The following CNNM4 variants were observed in gnomAD, a reference collection of about 807,000 sequenced individuals.
CNNM4 encodes the protein metal transporter CNNM4.
CNNM4 carries 32 observed loss-of-function variants against 53.7 expected under a neutral mutation model. That is an observed-to-expected ratio of 0.60 (90% CI 0.45 to 0.80). The LOEUF (loss-of-function observed/expected upper bound fraction) is 0.80. CNNM4 is among the 30% of genes least tolerant of loss of function. The pLI, the probability that CNNM4 is intolerant of heterozygous loss-of-function variation, is 0.00. For synonymous variants in CNNM4, 410 were observed against 440.0 expected (o/e 0.93, Z 0.85); for missense variants, 784 against 1,022.0 (o/e 0.77, Z 3.17).
intron 1 of CNNM4, among the ~76,000 whole-genome samples, chr2:96,778,441 C>A (rs1574063042): frequency 6.6e-6 from 1 of 151,282 alleles, no homozygotes; most frequent in Admixed American, 6.6e-5. Flanking sequence ...ACCTGTAATC[C>A]CAGCTACTCC....
rs1184292374 is a variant in CNNM4, at chr2:96,801,469, CAGAG to C, written c.1948+1827_1948+1830del. 1.3e-5 allele frequency among the ~76,000 whole-genome samples: 2 copies of C among 151,554 alleles called. No individual in the cohort carries two copies. Among genetic ancestry groups the C allele is most frequent in the Non-Finnish European group, 1.5e-5 (1 of 67,856 alleles). On this transcript the variant is annotated intron_variant, in intron 5 of 6. Coordinates refer to ENST00000377075, the MANE Select transcript of CNNM4 (RefSeq NM_020184.4). This position sits in a 1 kb window ranked among gnomAD's most constrained non-coding sequence, Gnocchi z 5.6. ...ACCACATGCAGAGAGACCGCACACA[CAGAG>C]AGAGACCACACACACACAGAGACCA... is the stretch of plus-strand genomic sequence containing the variant.
At chr2:96,765,713 T>C (rs1431168008) in intron 1 of CNNM4, among the ~76,000 whole-genome samples, 1 of 152,184 alleles carries the variant, frequency 6.6e-6, no homozygotes, top group Non-Finnish European at 1.5e-5. Flanking sequence ...CAGTAAGTGT[T>C]GGACAAATGA....
At chr2:96,782,851 A>C (rs1001255356) in intron 1 of CNNM4, among the ~76,000 whole-genome samples, 13 of 152,172 alleles carry the variant, frequency 8.5e-5, no homozygotes, top group Non-Finnish European at 1.2e-4. Context: ...GTATTTCAGC[A>C]AAGTATTTAA....
chr2:96,787,734 C>T (rs1397115476), intron 1 of CNNM4, among the ~76,000 whole-genome samples: 1 of 151,962 alleles, frequency 6.6e-6, no homozygotes, highest in Non-Finnish European at 1.5e-5. Flanking sequence ...AGTGGCATGC[C>T]CTATAGTCCC....
chr2:96,775,635 A>C (rs1347561663), intron 1 of CNNM4, among the ~76,000 whole-genome samples: 1 of 152,178 alleles, frequency 6.6e-6, no homozygotes, highest in Admixed American at 6.5e-5. Flanking sequence ...GTTCACTCCT[A>C]TCCCTACCAA....
In CNNM4 at chr2:96,801,490, C is replaced by G. The variant is rs569599886; in HGVS notation, c.1948+1842C>G. On this transcript the variant is annotated intron_variant, in intron 5 of 6. Transcript: ENST00000377075. The surrounding 1 kb of genome is among the most constrained non-coding windows in gnomAD (Gnocchi z 5.6). Reference sequence around the variant, plus strand: ...CACACAGAGAGAGACCACACACACACAGAGACCACACACAGAGAGAGACCA... The same window carrying G: ...CACACAGAGAGAGACCACACACACAGAGAGACCACACACAGAGAGAGACCA... 1.7e-4 allele frequency among the ~76,000 whole-genome samples: 26 copies of G among 151,108 alleles called. No homozygotes were observed. The highest frequency in any genetic ancestry group is 6.1e-4 in the African/African-American group (25 of 40,990).
chr2:96,763,637 T>C (rs2078785663), intron 1 of CNNM4, among the ~76,000 whole-genome samples: 1 of 151,478 alleles, frequency 6.6e-6, no homozygotes, highest in South Asian at 2.1e-4. Flanking sequence ...TAACGGAGAG[T>C]GGAGGACAGC....
At chr2:96,764,730 G>A (rs1222888419) in intron 1 of CNNM4, among the ~76,000 whole-genome samples, 1 of 152,192 alleles carries the variant, frequency 6.6e-6, no homozygotes, top group Non-Finnish European at 1.5e-5. Flanking sequence ...GCTCATGCCT[G>A]TAATCCCAGC....
chr2:96,763,913 A>G (rs2078788922), intron 1 of CNNM4, among the ~76,000 whole-genome samples: 1 of 151,998 alleles, frequency 6.6e-6, no homozygotes, highest in Non-Finnish European at 1.5e-5. Context: ...TTGGGAGTGC[A>G]GACCCAGGAA....
intron 1 of CNNM4, among the ~76,000 whole-genome samples, chr2:96,792,494 T>C (rs938848766): frequency 2.0e-5 from 3 of 151,860 alleles, no homozygotes; most frequent in East Asian, 1.9e-4. Flanking sequence ...GCTAAATGGA[T>C]GTAGAGGCAC....
At chr2:96,768,096 CA>C (rs2078834564) in intron 1 of CNNM4, among the ~76,000 whole-genome samples, 1 of 152,288 alleles carries the variant, frequency 6.6e-6, no homozygotes, top group Non-Finnish European at 1.5e-5. Context: ...ACAACAACAA[CA>C]AAACACCCAT....
At position 96,797,729 on chromosome 2, in the gene CNNM4, A is replaced by G; in HGVS notation, c.1681+82A>G. The G allele has an allele frequency of 4.4e-6, 7 of 1,577,644 alleles. No homozygotes were observed. The South Asian group carries it at 7.8e-5, about 18-fold the overall frequency. On this transcript the variant is annotated intron_variant, in intron 3 of 6. Transcript: ENST00000377075. The surrounding 1 kb of genome is among the most constrained non-coding windows in gnomAD (Gnocchi z 6.0). ...CTGGGTTTCCGGCTGCTTTCCCCCCATAGGACGAGGGCTGCAGCAGGTGAG... is the reference window on the plus strand; with the variant it reads ...CTGGGTTTCCGGCTGCTTTCCCCCCGTAGGACGAGGGCTGCAGCAGGTGAG...
intron 1 of CNNM4, among the ~76,000 whole-genome samples, chr2:96,779,248 G>A (rs968018444): frequency 6.6e-6 from 1 of 152,102 alleles, no homozygotes; most frequent in Non-Finnish European, 1.5e-5. Context: ...GTGAGCCACC[G>A]CGCCTGGCCA....
In CNNM4 at chr2:96,808,819, C is replaced by A. The variant is rs1294859754; in HGVS notation, c.2130+77C>A. 6.8e-7 allele frequency: 1 copy of A among 1,461,418 alleles called. No homozygotes were observed. The highest frequency in any genetic ancestry group is 9.6e-7 in the Non-Finnish European group (1 of 1,046,122). 90.5% of individuals were successfully genotyped at this position (1,461,418 alleles called of 1,614,324 possible). ...AGCTACTACTTTCATCCACCAAACCCAGCATGGTGGGCCCAAACCCGAGAT... is the reference window on the plus strand; with the variant it reads ...AGCTACTACTTTCATCCACCAAACCAAGCATGGTGGGCCCAAACCCGAGAT... On this transcript the variant is annotated intron_variant, in intron 6 of 6. Transcript: ENST00000377075. This position sits in a 1 kb window ranked among gnomAD's most constrained non-coding sequence, Gnocchi z 4.9.
chr2:96,806,551 G>A (rs1219930879), intron 5 of CNNM4, among the ~76,000 whole-genome samples: 7 of 148,238 alleles, frequency 4.7e-5, no homozygotes, highest in Non-Finnish European at 7.4e-5. Context: ...GCGCGCGCGC[G>A]CGCCCTTAGT....
At chr2:96,768,267 C>G (rs2078836169) in intron 1 of CNNM4, among the ~76,000 whole-genome samples, 1 of 152,212 alleles carries the variant, frequency 6.6e-6, no homozygotes, top group Non-Finnish European at 1.5e-5. Context: ...CCCACCCTCC[C>G]ATCCGCACCT....
At chr2:96,781,902 C>G (rs904775056) in intron 1 of CNNM4, among the ~76,000 whole-genome samples, 1 of 152,106 alleles carries the variant, frequency 6.6e-6, no homozygotes, top group South Asian at 2.1e-4. Context: ...TTTACCAGAT[C>G]AAGGAAATTC....
At chr2:96,796,583 G>A (rs1279495271) in intron 1 of CNNM4, among the ~76,000 whole-genome samples, 1 of 152,008 alleles carries the variant, frequency 6.6e-6, no homozygotes, top group Non-Finnish European at 1.5e-5. Context: ...GCAACATAGC[G>A]AGATCCATCT....
At position 96,801,511 on chromosome 2, in the gene CNNM4, GAC is replaced by G. The variant is rs199974275; in HGVS notation, c.1948+1864_1948+1865del. On this transcript the variant is annotated intron_variant, in intron 5 of 6. Coordinates refer to ENST00000377075, the MANE Select transcript of CNNM4 (RefSeq NM_020184.4). This position sits in a 1 kb window ranked among gnomAD's most constrained non-coding sequence, Gnocchi z 5.6. ...CACACAGAGACCACACACAGAGAGA[GAC>G]CACACACAGAGATAGCACACACACA... Among the ~76,000 whole-genome samples the G allele has an allele frequency of 2.0e-5, 3 of 146,912 alleles. No homozygotes were observed. Among genetic ancestry groups the G allele is most frequent in the Admixed American group, 1.4e-4 (2 of 14,734 alleles).
Sources: allele counts gnomAD v4.1 joint callset (sites outside exome capture counted in the v4.1 genomes callset), GRCh38; gene constraint gnomAD v4.1.1; non-coding constraint Gnocchi (gnomAD v3.1); transcripts MANE v1.5; gene names NCBI Gene and HGNC (gene_info 2026-07-23, HGNC 2026-07-21).